DAPK1: variants seen among roughly 807,000 people sequenced by gnomAD.
DAPK1 encodes the protein death-associated protein kinase 1.
A neutral mutation model predicts 144.9 loss-of-function variants in DAPK1; 56 were observed. The ratio of observed to expected loss-of-function variants is 0.39; its 90% CI spans 0.31 to 0.48. The LOEUF (loss-of-function observed/expected upper bound fraction) is 0.48. DAPK1 is among the 20% of genes least tolerant of loss of function. The pLI is 0.95. For synonymous variants in DAPK1, 690 were observed against 749.0 expected, an observed-to-expected ratio of 0.92 and a Z score of 1.29; for missense variants, 1,454 against 1,875.4, an observed-to-expected ratio of 0.78 and a Z score of 4.15.
chr9:87,555,210 C>T (rs1302611213), intron 2 of DAPK1, among the ~76,000 whole-genome samples: 7 of 152,206 alleles, frequency 4.6e-5, no homozygotes. Context: ...CCAGAAAACC[C>T]AGTTCCTGAT....
rs554288638 is a variant in DAPK1, at chr9:87,632,430, G to A, written c.285-5513G>A. Reference sequence around the variant, plus strand: ...CATGTAGGGATGAAGGAGGATAAGTGTGTATGTAAGGATGAAGGAGGATGA... The same window carrying A: ...CATGTAGGGATGAAGGAGGATAAGTATGTATGTAAGGATGAAGGAGGATGA... On this transcript the variant is annotated intron_variant, in intron 3 of 25. Transcript: ENST00000408954. The A allele has an allele frequency of 1.3e-4, 129 of 979,074 alleles. 2 individuals are homozygous for A. The South Asian group carries it at 5.2e-3, about 40-fold the overall frequency. The allele number at this position is 979,074 out of a possible 1,614,324, so 60.6% of individuals were successfully genotyped here.
In DAPK1 at chr9:87,696,427, G is replaced by A. The variant is rs114930997; in HGVS notation, c.2414-580G>A. 4.2e-3 allele frequency among the ~76,000 whole-genome samples: 634 copies of A among 152,246 alleles called. 2 individuals carry two copies. The highest frequency in any genetic ancestry group is 0.015 in the African/African-American group (611 of 41,530). ...TGCACGTCAGTAGATGTGTGTCTTC[G>A]TTCATTTTGTGTTGCTATAACAGAA... On this transcript the variant is annotated intron_variant, in intron 21 of 25. Transcript: ENST00000408954.
intron 2 of DAPK1, among the ~76,000 whole-genome samples, chr9:87,571,476 A>ACACCCCCCC (rs771023885): frequency 2.1e-5 from 1 of 48,548 alleles, no homozygotes; most frequent in African/African-American, 9.2e-5. Flanking sequence ...CACACACACC[A>ACACCCCCCC]ACACACACAC....
chr9:87,520,981 A>G (rs913779), intron 2 of DAPK1, among the ~76,000 whole-genome samples: 6,375 of 152,294 alleles, frequency 0.042, 429 homozygotes, highest in African/African-American at 0.15. Context: ...ATGACTGACA[A>G]TGGTTTGACA....
chr9:87,637,790 C>T (rs560176637), intron 3 of DAPK1, among the ~76,000 whole-genome samples, 153 bp from the exon 4 acceptor site: 59 of 152,344 alleles, frequency 3.9e-4, no homozygotes, highest in African/African-American at 1.4e-3. Context: ...TGTCAACAAC[C>T]TGCACAGAGA....
intron 2 of DAPK1, among the ~76,000 whole-genome samples, chr9:87,595,818 C>T (rs531720924): frequency 2.6e-5 from 4 of 152,124 alleles, no homozygotes; most frequent in African/African-American, 9.7e-5. Flanking sequence ...CCCAGGGTGA[C>T]GGACTGCTGT....
intron 13 of DAPK1, among the ~76,000 whole-genome samples, chr9:87,646,923 G>C (rs939377522): frequency 6.6e-6 from 1 of 152,240 alleles, no homozygotes; most frequent in African/African-American, 2.4e-5. Flanking sequence ...CGTCAGCAGA[G>C]CTGTAAGTGG....
chr9:87,679,608 G>A (rs1026351641), intron 19 of DAPK1, among the ~76,000 whole-genome samples: 8 of 152,176 alleles, frequency 5.3e-5, no homozygotes, highest in Non-Finnish European at 1.2e-4. Context: ...TCACATGTCT[G>A]TATCTCCCCA....
intron 2 of DAPK1, among the ~76,000 whole-genome samples, chr9:87,525,087 G>A (rs1480380398): frequency 6.6e-6 from 1 of 152,156 alleles, no homozygotes; most frequent in African/African-American, 2.4e-5. Context: ...TGTGAACAGT[G>A]CACCCTGAGG....
intron 2 of DAPK1, among the ~76,000 whole-genome samples, chr9:87,592,428 C>T (rs1344675130): frequency 6.6e-6 from 1 of 152,202 alleles, no homozygotes; most frequent in African/African-American, 2.4e-5. Context: ...AGTCATATTC[C>T]ACACTTTTTT....
chr9:87,583,791 G>A (rs766327964), intron 2 of DAPK1, among the ~76,000 whole-genome samples: 14 of 152,136 alleles, frequency 9.2e-5, no homozygotes, highest in Non-Finnish European at 1.8e-4. Flanking sequence ...TTTCCACCAT[G>A]ATAACTCTTC....
At chr9:87,643,746 C>T (rs372122717) in intron 11 of DAPK1, among the ~76,000 whole-genome samples, 353 of 152,102 alleles carry the variant, frequency 2.3e-3, no homozygotes, top group African/African-American at 8.0e-3. Flanking sequence ...AGACCACCCC[C>T]GCAACACACA....
chr9:87,648,309 T>G (rs1397501087), intron 14 of DAPK1, among the ~76,000 whole-genome samples: 1 of 152,272 alleles, frequency 6.6e-6, no homozygotes, highest in Non-Finnish European at 1.5e-5. Flanking sequence ...ATAGTGACAT[T>G]CTTTAAAATT....
At chr9:87,571,468 C>CCCACCCCA in intron 2 of DAPK1, among the ~76,000 whole-genome samples, 1 of 56,892 alleles carries the variant, frequency 1.8e-5, no homozygotes, top group Non-Finnish European at 3.3e-5. Context: ...CACACACACA[C>CCCACCCCA]ACACACCAAC....
chr9:87,592,570 A>G (rs1334938107), intron 2 of DAPK1, among the ~76,000 whole-genome samples: 1 of 152,188 alleles, frequency 6.6e-6, no homozygotes, highest in Non-Finnish European at 1.5e-5. Flanking sequence ...TTAGTGACAC[A>G]TTCTCTTCAA....
intron 21 of DAPK1, among the ~76,000 whole-genome samples, chr9:87,690,685 G>C (rs1825023708): frequency 6.6e-6 from 1 of 151,930 alleles, no homozygotes; most frequent in Admixed American, 6.5e-5. Context: ...TGAGGTATGG[G>C]TTCGTCATGT....
chr9:87,549,761 G>A (rs1826403909), intron 2 of DAPK1, among the ~76,000 whole-genome samples: 1 of 152,118 alleles, frequency 6.6e-6, no homozygotes, highest in Non-Finnish European at 1.5e-5. Context: ...AAGAAACCAT[G>A]ATCAGTGTTA....
chr9:87,604,878 C>A, intron 2 of DAPK1, 76 bp from the exon 3 acceptor site: 2 of 1,377,286 alleles, frequency 1.5e-6, no homozygotes, highest in Non-Finnish European at 1.0e-6. Context: ...TTGTCCCCCT[C>A]TGCACCATGC....
chr9:87,708,258 T>C lies in DAPK1; in HGVS notation c.*894T>C, dbSNP rs1825707460. The C allele has an allele frequency of 6.1e-6, 1 of 163,726 alleles. No homozygotes were observed. Among genetic ancestry groups the C allele is most frequent in the African/African-American group, 2.4e-5 (1 of 41,632 alleles). 10.1% of individuals were successfully genotyped at this position (163,726 alleles called of 1,614,324 possible). The stretch of plus-strand genomic sequence containing the variant: ...ACAGTTGTAGGGTTACAGAGACCTA[T>C]GTAAGAATTCAGAAGACCCCTGACT... On this transcript the variant is annotated 3_prime_UTR_variant, in exon 26 of 26. Coordinates refer to ENST00000408954, the MANE Select transcript of DAPK1 (RefSeq NM_004938.4).
Sources: gnomAD v4.1 joint callset for allele counts (sites outside exome capture counted in the v4.1 genomes callset) on GRCh38, gnomAD v4.1.1 for gene constraint, MANE v1.5 for transcripts, NCBI Gene and HGNC (gene_info 2026-07-23, HGNC 2026-07-21) for gene names.